The following PCDHA3 variants were observed in gnomAD, a reference collection of about 807,000 sequenced individuals.
PCDHA3 encodes protocadherin alpha-3.
In PCDHA3, 41 loss-of-function variants were observed where a neutral mutation model predicts 62.2. The ratio of observed to expected loss-of-function variants is 0.66; its 90% CI spans 0.51 to 0.86. The LOEUF is 0.86. Among genes scored for constraint, PCDHA3 ranks in the 40% least tolerant of loss-of-function variants. PCDHA3 has a pLI of 0.00. For synonymous variants in PCDHA3, 640 were observed against 555.4 expected, an observed-to-expected ratio of 1.15 and a Z score of -2.14; for missense variants, 1,304 against 1,241.2, an observed-to-expected ratio of 1.05 and a Z score of -0.76.
chr5:140,857,925 A>T (rs1291686886), intron 1 of PCDHA3: 2 of 1,597,686 alleles, frequency 1.3e-6, no homozygotes, highest in Non-Finnish European at 1.7e-6. Flanking sequence ...GTGGGGCTGT[A>T]CACGGGCGAG....
intron 1 of PCDHA3, chr5:140,850,906 T>A: frequency 6.4e-7 from 1 of 1,550,722 alleles, no homozygotes; most frequent in Non-Finnish European, 8.7e-7. Context: ...TTTTCTAGCA[T>A]TTTATTTATT....
At chr5:140,877,909 C>G in intron 1 of PCDHA3, 4 of 1,432,580 alleles carry the variant, frequency 2.8e-6, no homozygotes, top group Non-Finnish European at 3.7e-6. Context: ...TAACTACATT[C>G]TCTCATTTTT....
chr5:140,812,370 TTTTG>T (rs1765093822), intron 1 of PCDHA3: 1 of 152,132 alleles, frequency 6.6e-6, no homozygotes, highest in Non-Finnish European at 1.5e-5. Flanking sequence ...CTTCCAGTCT[TTTTG>T]TTTTTTTCTT....
intron 1 of PCDHA3, among the ~76,000 whole-genome samples, chr5:140,890,874 C>T (rs1337922727): frequency 6.6e-6 from 1 of 152,082 alleles, no homozygotes; most frequent in Admixed American, 6.6e-5. Flanking sequence ...CCCCTCTGAC[C>T]TTTCATCAGG....
In PCDHA3 at chr5:140,842,325, C is replaced by G. The variant is rs2150334161; in HGVS notation, c.2394+38734C>G. On this transcript the variant is annotated intron_variant, in intron 1 of 3. Coordinates refer to ENST00000522353, the MANE Select transcript of PCDHA3 (RefSeq NM_018906.3). ...CATCCTCCCATGGCGGGTCATTGCA[C>G]CGTTTTAGTGAGAATTTTGGATAAA... 1.9e-5 allele frequency: 31 copies of G among 1,606,978 alleles called. No individual in the cohort carries two copies. In the South Asian group the frequency reaches 3.1e-4, roughly 16 times the overall value.
At chr5:140,807,444 T>C in intron 1 of PCDHA3, 2 of 1,604,430 alleles carry the variant, frequency 1.2e-6, no homozygotes, top group Non-Finnish European at 1.7e-6. Context: ...ATTTTGTTTG[T>C]GAATTCTCGG....
In PCDHA3 at chr5:141,010,024, T is replaced by A; in HGVS notation, c.*87T>A. 7.6e-6 allele frequency: 12 copies of A among 1,572,358 alleles called. No individual in the cohort carries two copies. Among genetic ancestry groups the A allele is most frequent in the Non-Finnish European group, 1.0e-5 (12 of 1,163,296 alleles). On this transcript the variant is annotated 3_prime_UTR_variant, in exon 4 of 4. Coordinates refer to ENST00000522353, the MANE Select transcript of PCDHA3 (RefSeq NM_018906.3). ...GTAGCAATTCCCTGCTCCTTTTTCC[T>A]ATCTACATGAGCCCTCTTAGAGACC...
In PCDHA3 at chr5:140,843,615, C is replaced by A. The variant is rs111750019; in HGVS notation, c.2394+40024C>A. ...AGGGTGTGCTCTGGTGAGGGGCCAC[C>A]GAAGACGGACCTCATGGCCTTCAGC... On this transcript the variant is annotated intron_variant, in intron 1 of 3. Transcript: ENST00000522353. 4.2e-5 allele frequency: 67 copies of A among 1,596,016 alleles called. 5 individuals are homozygous for A. In the African/African-American group the frequency reaches 5.8e-4, roughly 14 times the overall value.
At position 140,807,574 on chromosome 5, in the gene PCDHA3, C is replaced by T. The variant is rs371480931; in HGVS notation, c.2394+3983C>T. On this transcript the variant is annotated intron_variant, in intron 1 of 3. Coordinates refer to ENST00000522353, the MANE Select transcript of PCDHA3 (RefSeq NM_018906.3). ...TGGAGGTGAGGGACATTAACGATAA[C>T]CCGCCGGTGTTCCCAGCAACACAAA... is the stretch of plus-strand genomic sequence containing the variant. The T allele has an allele frequency of 3.2e-5, 51 of 1,614,058 alleles. 1 individual carries two copies. In the Middle Eastern group the frequency reaches 9.9e-4, roughly 31 times the overall value.
chr5:140,842,746 C>G (rs2150343486), intron 1 of PCDHA3: 2 of 1,595,086 alleles, frequency 1.3e-6, no homozygotes, highest in Non-Finnish European at 1.7e-6. Context: ...GCCACATCTT[C>G]ACGGTGTCTG....
chr5:140,908,754 A>G (rs1403008536), intron 1 of PCDHA3, among the ~76,000 whole-genome samples: 1 of 152,184 alleles, frequency 6.6e-6, no homozygotes, highest in African/African-American at 2.4e-5. Context: ...ACTTGCACAC[A>G]GCCTGGACGT....
At chr5:140,921,244 A>G (rs1167584267) in intron 1 of PCDHA3, among the ~76,000 whole-genome samples, 1 of 152,180 alleles carries the variant, frequency 6.6e-6, no homozygotes, top group African/African-American at 2.4e-5. Flanking sequence ...TAAGCCACAG[A>G]TCAAAAAGTC....
chr5:140,923,557 A>C (rs1462470621), intron 1 of PCDHA3, among the ~76,000 whole-genome samples: 1 of 152,200 alleles, frequency 6.6e-6, no homozygotes, highest in African/African-American at 2.4e-5. Context: ...AATATCAGCA[A>C]TGAAAGGTCC....
chr5:140,937,326 C>T (rs1287239556), intron 1 of PCDHA3, among the ~76,000 whole-genome samples: 1 of 152,164 alleles, frequency 6.6e-6, no homozygotes, highest in South Asian at 2.1e-4. Context: ...CGTGAGCCAC[C>T]GCGCCCGGCT....
chr5:140,862,675 G>A, intron 1 of PCDHA3: 1 of 550,422 alleles, frequency 1.8e-6, no homozygotes, highest in South Asian at 1.4e-5. Context: ...GCAGGAGAAC[G>A]TGCTGGTGTC....
intron 1 of PCDHA3, among the ~76,000 whole-genome samples, chr5:140,937,894 A>G (rs1554211868): frequency 6.6e-6 from 1 of 150,462 alleles, no homozygotes; most frequent in Non-Finnish European, 1.5e-5. Context: ...CCTGGGCGAC[A>G]GAGTGAGACT....
rs2150122177 is a variant in PCDHA3, at chr5:140,823,092, C to A, written c.2394+19501C>A. ...CGCCTTCGCTGTGGGCCACCGCCAG[C>A]GTGTCTGTGGAAGTGGCCGACGTGA... On this transcript the variant is annotated intron_variant, in intron 1 of 3. Coordinates refer to ENST00000522353, the MANE Select transcript of PCDHA3 (RefSeq NM_018906.3). 4.3e-6 allele frequency: 7 copies of A among 1,613,906 alleles called. No individual in the cohort carries two copies. The African/African-American group carries it at 8.0e-5, about 18-fold the overall frequency.
intron 1 of PCDHA3, among the ~76,000 whole-genome samples, chr5:140,944,656 C>A (rs782213712): frequency 1.3e-5 from 2 of 152,016 alleles, no homozygotes; most frequent in Admixed American, 6.6e-5. Flanking sequence ...GAGTCCATAC[C>A]CCTTATTTAT....
Position 140,802,579 on chromosome 5 carries a change from C to T in PCDHA3, c.1382C>T (p.Thr461Met). The T allele has an allele frequency of 1.9e-6, 3 of 1,613,906 alleles. No individual in the cohort carries two copies. Among genetic ancestry groups the T allele is most frequent in the South Asian group, 1.1e-5 (1 of 91,072 alleles). Residue 461 changes from threonine to methionine, a missense_variant, in exon 1 of 4, where the codon ACG (threonine) becomes ATG (methionine). Coordinates refer to ENST00000522353, the MANE Select transcript of PCDHA3 (RefSeq NM_018906.3). ...NAPAFSQSEY[T>M]VFVKENNPPG... is the part of the protein sequence containing the mutation. Reference sequence around the variant, plus strand: ...CCGGCATTCTCGCAGTCCGAGTACACGGTGTTCGTGAAGGAGAACAACCCG... The same window carrying T: ...CCGGCATTCTCGCAGTCCGAGTACATGGTGTTCGTGAAGGAGAACAACCCG...
Sources: gnomAD v4.1 joint callset for allele counts (sites outside exome capture counted in the v4.1 genomes callset) on GRCh38, gnomAD v4.1.1 for gene constraint, MANE v1.5 for transcripts, NCBI Gene and HGNC (gene_info 2026-07-23, HGNC 2026-07-21) for gene names.